The following SLC25A37 variants were observed in gnomAD, a reference collection of about 807,000 sequenced individuals.
SLC25A37 encodes solute carrier family 25 member 37, also known as mitoferrin-1.
A neutral mutation model predicts 31.0 loss-of-function variants in SLC25A37; 17 were observed. The observed-to-expected ratio is 0.55, with a 90% CI of 0.38 to 0.82. The LOEUF (loss-of-function observed/expected upper bound fraction) is 0.82, where lower values mean the gene tolerates loss of function less well. Among genes scored for constraint, SLC25A37 ranks in the 40% least tolerant of loss-of-function variants. The pLI is 0.00. For synonymous variants in SLC25A37, 222 were observed against 193.0 expected (o/e 1.15, Z -1.24); for missense variants, 404 against 465.8 (o/e 0.87, Z 1.22).
At chr8:23,559,375 G>A (rs565544237) in intron 1 of SLC25A37, among the ~76,000 whole-genome samples, 24 of 147,772 alleles carry the variant, frequency 1.6e-4, no homozygotes, top group Non-Finnish European at 3.2e-4. Flanking sequence ...GCGCGCGCGT[G>A]TGTGTGTTTA....
intron 1 of SLC25A37, among the ~76,000 whole-genome samples, chr8:23,540,294 G>A (rs1276588271): frequency 4.6e-5 from 7 of 152,214 alleles, no homozygotes; most frequent in Non-Finnish European, 1.0e-4. Flanking sequence ...AAGCCAGTAG[G>A]ATGTTGGATG....
At chr8:23,536,549 A>C (rs1389847736) in intron 1 of SLC25A37, among the ~76,000 whole-genome samples, 1 of 151,958 alleles carries the variant, frequency 6.6e-6, no homozygotes, top group Non-Finnish European at 1.5e-5. Context: ...CATTTTCCCC[A>C]GCACACATGC....
At chr8:23,543,895 T>C (rs560048065) in intron 1 of SLC25A37, among the ~76,000 whole-genome samples, 29 of 152,166 alleles carry the variant, frequency 1.9e-4, no homozygotes, top group African/African-American at 7.0e-4. Flanking sequence ...AGTTTCACTT[T>C]TGTTGCCCAG....
intron 1 of SLC25A37, among the ~76,000 whole-genome samples, chr8:23,542,294 G>A (rs1421712271): frequency 6.6e-6 from 1 of 151,460 alleles, no homozygotes; most frequent in East Asian, 1.9e-4. Flanking sequence ...GGTAATGCTT[G>A]CAAATAATAA....
chr8:23,572,203 T>TAAAAAAAA lies in SLC25A37; in HGVS notation c.*386_*393dup, dbSNP rs540950017. The TAAAAAAAA allele has an allele frequency of 9.3e-5, 8 of 85,780 alleles. No individual in the cohort carries two copies. Among genetic ancestry groups the TAAAAAAAA allele is most frequent in the African/African-American group, 5.2e-4 (8 of 15,290 alleles). The allele number at this position is 85,780 out of a possible 1,614,324, so 5.3% of individuals were successfully genotyped here. ...GAAAATTTGCAGTGACTGAAAACAG[T>TAAAAAAAA]AAAAAAAAAAAAAAAAAAAAAAAAA... On this transcript the variant is annotated 3_prime_UTR_variant, in exon 4 of 4. Coordinates refer to ENST00000519973, the MANE Select transcript of SLC25A37 (RefSeq NM_016612.4).
rs1802858896 is a variant in SLC25A37 at position 23,571,860 on chromosome 8, AG to A, written c.*8del. ...GAAAATCGAGCTCCATACTAAAGGA[AG>A]GGATCATAGAATCTTTTCTTAAAGT... On this transcript the variant is annotated 3_prime_UTR_variant, in exon 4 of 4. Coordinates refer to ENST00000519973, the MANE Select transcript of SLC25A37 (RefSeq NM_016612.4). The A allele has an allele frequency of 1.2e-6, 2 of 1,605,616 alleles. No individual in the cohort carries two copies. The highest frequency in any genetic ancestry group is 1.7e-6 in the Non-Finnish European group (2 of 1,173,390).
In SLC25A37 at chr8:23,575,109, A is replaced by G. The variant is rs1802950081; in HGVS notation, c.*3254A>G. 6.6e-6 allele frequency: 1 copy of G among 152,102 alleles called. No individual in the cohort carries two copies. Among genetic ancestry groups the G allele is most frequent in the Non-Finnish European group, 1.5e-5 (1 of 68,016 alleles). 9.4% of individuals were successfully genotyped at this position (152,102 alleles called of 1,614,324 possible). A position where few individuals can be genotyped will look rare whatever the true frequency, so the allele number is the denominator to read the frequency against. The stretch of plus-strand genomic sequence containing the variant: ...TTTCTTCATTTTTTTTTCTTTTAAA[A>G]TGCTCATGTCTTATTCCAAGCACCT... On this transcript the variant is annotated 3_prime_UTR_variant, in exon 4 of 4. Transcript: ENST00000519973.
At chr8:23,554,945 A>G (rs1324902920) in intron 1 of SLC25A37, among the ~76,000 whole-genome samples, 1 of 152,206 alleles carries the variant, frequency 6.6e-6, no homozygotes, top group African/African-American at 2.4e-5. Context: ...ATTCATAGCC[A>G]TGGAAGACAC....
chr8:23,536,330 G>A (rs536778526), intron 1 of SLC25A37, among the ~76,000 whole-genome samples: 4 of 152,164 alleles, frequency 2.6e-5, no homozygotes, highest in South Asian at 2.1e-4. Flanking sequence ...TATTGACACT[G>A]GTCTCTACTT....
In SLC25A37 at chr8:23,571,956, G is replaced by A. The variant is rs1425622618; in HGVS notation, c.*101G>A. The A allele has an allele frequency of 4.6e-6, 6 of 1,302,334 alleles. No individual in the cohort carries two copies. Among genetic ancestry groups the A allele is most frequent in the Non-Finnish European group, 6.3e-6 (6 of 945,626 alleles). The allele number at this position is 1,302,334 out of a possible 1,614,324, so 80.7% of individuals were successfully genotyped here. The stretch of plus-strand genomic sequence containing the variant: ...GATCATTTTTTTTTTGCAGGGTGCT[G>A]CCTATGGGCCCTCTGCTCCCCAATG... On this transcript the variant is annotated 3_prime_UTR_variant, in exon 4 of 4. Coordinates refer to ENST00000519973, the MANE Select transcript of SLC25A37 (RefSeq NM_016612.4).
In SLC25A37 at chr8:23,562,869, G is replaced by GT. The variant is rs751685597; in HGVS notation, c.211-3238dup. On this transcript the variant is annotated intron_variant, in intron 1 of 3. Coordinates refer to ENST00000519973, the MANE Select transcript of SLC25A37 (RefSeq NM_016612.4). ...AGCTGGGGTTCTTGACAGCCACATT[G>GT]TACCACCTGGTACCCTTGCTTTTTG... 1.6e-4 allele frequency among the ~76,000 whole-genome samples: 24 copies of GT among 152,264 alleles called. No individual in the cohort carries two copies. In the East Asian group the frequency reaches 4.6e-3, roughly 29 times the overall value.
At chr8:23,536,873 T>C (rs1004272144) in intron 1 of SLC25A37, among the ~76,000 whole-genome samples, 9 of 152,162 alleles carry the variant, frequency 5.9e-5, no homozygotes, top group Non-Finnish European at 1.0e-4. Context: ...ATGTCTCCTC[T>C]TCCTTGAGAT....
In SLC25A37 at chr8:23,573,424, C is replaced by T. The variant is rs1478103019; in HGVS notation, c.*1569C>T. ...GCTGCACTGTCTCTGATTTGGAGCC[C>T]TCACCGGAGCTTGTCTTTAAAAATG... On this transcript the variant is annotated 3_prime_UTR_variant, in exon 4 of 4. Coordinates refer to ENST00000519973, the MANE Select transcript of SLC25A37 (RefSeq NM_016612.4). The T allele has an allele frequency of 5.5e-6, 1 of 181,010 alleles. No individual in the cohort carries two copies. Among genetic ancestry groups the T allele is most frequent in the Admixed American group, 5.8e-5 (1 of 17,206 alleles). The allele number at this position is 181,010 out of a possible 1,614,324, so 11.2% of individuals were successfully genotyped here.
At chr8:23,551,905 C>T (rs1368520404) in intron 1 of SLC25A37, among the ~76,000 whole-genome samples, 1 of 152,162 alleles carries the variant, frequency 6.6e-6, no homozygotes, top group Non-Finnish European at 1.5e-5. Context: ...TTATTTCTGT[C>T]CCTTCCTTGT....
chr8:23,536,482 G>A (rs975766915), intron 1 of SLC25A37, among the ~76,000 whole-genome samples: 4 of 151,850 alleles, frequency 2.6e-5, no homozygotes, highest in South Asian at 2.1e-4. Context: ...TTGGCCCTGC[G>A]ATCCTCAGTT....
intron 1 of SLC25A37, among the ~76,000 whole-genome samples, chr8:23,538,733 G>A (rs1801828941): frequency 6.6e-6 from 1 of 152,128 alleles, no homozygotes; most frequent in Non-Finnish European, 1.5e-5. Flanking sequence ...CCTATAATTA[G>A]ACCCTGAGCT....
rs1443229400 is a variant in SLC25A37 at position 23,573,314 on chromosome 8, T to C, written c.*1459T>C. On this transcript the variant is annotated 3_prime_UTR_variant, in exon 4 of 4. Coordinates refer to ENST00000519973, the MANE Select transcript of SLC25A37 (RefSeq NM_016612.4). ...GGTGTGTGCCGAGTCAGATTGCCGC[T>C]CAGAGAAAATACAAGCCCGTTTTCC... is the stretch of plus-strand genomic sequence containing the variant. 1.3e-5 allele frequency: 2 copies of C among 153,408 alleles called. No individual in the cohort carries two copies. Among genetic ancestry groups the C allele is most frequent in the African/African-American group, 4.8e-5 (2 of 41,484 alleles). 9.5% of individuals were successfully genotyped at this position (153,408 alleles called of 1,614,324 possible). A position where few individuals can be genotyped will look rare whatever the true frequency, so the allele number is the denominator to read the frequency against.
intron 1 of SLC25A37, among the ~76,000 whole-genome samples, chr8:23,559,354 C>CGTGTGTGTGT (rs775824828): frequency 6.6e-6 from 1 of 150,924 alleles, no homozygotes; most frequent in East Asian, 2.0e-4. Flanking sequence ...TGTGTGTGTG[C>CGTGTGTGTGT]GTGTGTGTGC....
At chr8:23,548,477 C>CTTTT (rs143771739) in intron 1 of SLC25A37, among the ~76,000 whole-genome samples, 2 of 116,028 alleles carry the variant, frequency 1.7e-5, no homozygotes, top group Non-Finnish European at 3.5e-5. Context: ...CACGTCCGGG[C>CTTTT]TTTTTTTTTT....
Sources: gnomAD v4.1 joint callset for allele counts (sites outside exome capture counted in the v4.1 genomes callset) on GRCh38, gnomAD v4.1.1 for gene constraint, MANE v1.5 for transcripts, NCBI Gene and HGNC (gene_info 2026-07-23, HGNC 2026-07-21) for gene names.